The following MYO7B variants were observed in gnomAD, a reference collection of about 807,000 sequenced individuals.
The protein encoded by MYO7B is unconventional myosin-VIIb.
Under a neutral mutation model 259.7 loss-of-function variants are expected in MYO7B, and 212 were observed. The observed-to-expected ratio is 0.82, with a 90% CI of 0.73 to 0.91. The LOEUF (loss-of-function observed/expected upper bound fraction) is 0.91, where lower values mean the gene tolerates loss of function less well. Ranked by LOEUF, MYO7B falls within the 40% of genes least tolerant of loss-of-function variation. The pLI, the probability that MYO7B is intolerant of heterozygous loss-of-function variation, is 0.00. For synonymous variants in MYO7B, 1,197 were observed against 1,166.4 expected (o/e 1.03, Z -0.54); for missense variants, 2,732 against 2,813.5 (o/e 0.97, Z 0.66).
In MYO7B at chr2:127,609,800, C is replaced by A; in HGVS notation, c.3025-49C>A. The A allele has an allele frequency of 1.2e-6, 2 of 1,612,282 alleles. No individual in the cohort carries two copies. The highest frequency in any genetic ancestry group is 1.7e-6 in the Non-Finnish European group (2 of 1,178,568). On this transcript the variant is annotated intron_variant, in intron 23 of 47. Transcript: ENST00000409816. The surrounding 1 kb of genome is among the most constrained non-coding windows in gnomAD (Gnocchi z 6.9). ...ATGGCTCGGGGAAAGAAGGAAGGGG[C>A]CATAGTCACTGATGGGTTCCCACTG... is the stretch of plus-strand genomic sequence containing the variant.
At chr2:127,536,937 G>T (rs774698828) in intron 1 of MYO7B, among the ~76,000 whole-genome samples, 14 of 152,300 alleles carry the variant, frequency 9.2e-5, no homozygotes, top group Non-Finnish European at 1.5e-4. Context: ...CACAGCTCTA[G>T]CACGGGGCTC....
Position 127,592,892 on chromosome 2 carries a change from C to G in MYO7B, c.2091C>G (p.Phe697Leu), listed in dbSNP as rs1204839342. ...CGGGCTTCCCCATCCGCTACACGTTCGAGGAGTTCTCGCAGAGGTTCGGCG... is the reference window on the plus strand; with the variant it reads ...CGGGCTTCCCCATCCGCTACACGTTGGAGGAGTTCTCGCAGAGGTTCGGCG... ...RKSGFPIRYTFEEFSQRFGVL... is the reference protein window; with the variant it reads ...RKSGFPIRYTLEEFSQRFGVL... The change falls in exon 17 of 48, where the codon TTC becomes TTG. Residue 697 changes from phenylalanine to leucine, a missense_variant. Phe to Leu is a conservative substitution (Grantham distance 22). Around this residue, in one of 3 missense-constraint regions of MYO7B, gnomAD observed 1,906 missense variants for 2,026.4 expected, o/e 0.94. Transcript: ENST00000409816. The G allele has an allele frequency of 1.9e-6, 3 of 1,608,630 alleles. No homozygotes were observed. The highest frequency in any genetic ancestry group is 2.5e-6 in the Non-Finnish European group (3 of 1,178,080).
At chr2:127,634,884 G>A (rs1346507436) in intron 42 of MYO7B, 3 of 646,588 alleles carry the variant, frequency 4.6e-6, no homozygotes, top group Non-Finnish European at 8.1e-6. Flanking sequence ...GAGTGATGAA[G>A]GATGCCCCAG....
chr2:127,538,973 G>C (rs1029166091), intron 1 of MYO7B, among the ~76,000 whole-genome samples: 5 of 152,156 alleles, frequency 3.3e-5, no homozygotes, highest in Non-Finnish European at 5.9e-5. Flanking sequence ...TTACCTTGCA[G>C]GGTTGTTTTA....
rs370022816 is a variant in MYO7B, at chr2:127,627,052, G to A, written c.4293G>A (p.Pro1431=). Residue 1431 remains proline, a synonymous_variant, in exon 32 of 48, where the codon CCG becomes CCA. Coordinates refer to ENST00000409816, the MANE Select transcript of MYO7B (RefSeq NM_001393586.1). This position sits in a 1 kb window ranked among gnomAD's most constrained non-coding sequence, Gnocchi z 5.6. ...TGGACGCCGCCCGCCTGCAGTGGCC[G>A]CTGCTCTTCTCCCGGCTCTTCGAAG... is the stretch of plus-strand genomic sequence containing the variant. ...QVVDAARLQW[P]LLFSRLFEVI... The A allele has an allele frequency of 2.2e-5, 35 of 1,611,902 alleles. No individual in the cohort carries two copies. Among genetic ancestry groups the A allele is most frequent in the African/African-American group, 1.5e-4 (11 of 74,922 alleles).
intron 14 of MYO7B, 22 bp from the exon 15 acceptor site, chr2:127,588,370 G>A (rs1679383833): frequency 1.2e-6 from 2 of 1,610,690 alleles, no homozygotes; most frequent in Non-Finnish European, 1.7e-6. Flanking sequence ...TGGGATGCTG[G>A]GTGGGCCCTG....
intron 19 of MYO7B, among the ~76,000 whole-genome samples, chr2:127,598,159 C>A (rs1028284000): frequency 6.6e-6 from 1 of 152,152 alleles, no homozygotes; most frequent in Non-Finnish European, 1.5e-5. Flanking sequence ...ACAACGGTTA[C>A]AAGTTTTGTT....
rs974382755 is a variant in MYO7B, at chr2:127,607,769, G to A, written c.2643+345G>A. ...GCACGCAGGGTATAGCATGGGAGAGGCAGCAGGTCAATGGGACAGCCTTAG... is the reference window on the plus strand; with the variant it reads ...GCACGCAGGGTATAGCATGGGAGAGACAGCAGGTCAATGGGACAGCCTTAG... On this transcript the variant is annotated intron_variant, in intron 21 of 47. Coordinates refer to ENST00000409816, the MANE Select transcript of MYO7B (RefSeq NM_001393586.1). The surrounding 1 kb of genome is among the most constrained non-coding windows in gnomAD (Gnocchi z 4.4). 9.2e-5 allele frequency among the ~76,000 whole-genome samples: 14 copies of A among 152,332 alleles called. No homozygotes were observed. In the East Asian group the frequency reaches 2.5e-3, roughly 27 times the overall value.
At chr2:127,623,465 C>T (rs1680942441) in intron 29 of MYO7B, 90 bp downstream of exon 29, 3 of 1,334,660 alleles carry the variant, frequency 2.2e-6, no homozygotes, top group South Asian at 1.5e-5. Flanking sequence ...CTTTCCAGCC[C>T]GGCCACCACC....
chr2:127,636,822 A>G lies in MYO7B; in HGVS notation c.6236A>G (p.Lys2079Arg), dbSNP rs1451251827. The change falls in exon 47 of 48, where the codon AAG (lysine) becomes AGG (arginine). Residue 2079 changes from lysine (K) to arginine (R), a missense_variant. Around this residue, in one of 3 missense-constraint regions of MYO7B, gnomAD observed 821 missense variants for 769.3 expected, o/e 1.07. Coordinates refer to ENST00000409816, the MANE Select transcript of MYO7B (RefSeq NM_001393586.1). The surrounding 1 kb of genome is among the most constrained non-coding windows in gnomAD (Gnocchi z 4.5). ...CTGCTCACCACCTATCCCTTCACCA[A>G]GATCTCCAGCTGGAGCAGCGGCAGC... is the stretch of plus-strand genomic sequence containing the variant. ...KDLLTTYPFT[K>R]ISSWSSGSTY... The G allele has an allele frequency of 6.2e-7, 1 of 1,613,416 alleles. No homozygotes were observed. The highest frequency in any genetic ancestry group is 1.3e-5 in the African/African-American group (1 of 74,862).
At chr2:127,549,737 G>A (rs1316444575) in intron 1 of MYO7B, among the ~76,000 whole-genome samples, 1 of 152,194 alleles carries the variant, frequency 6.6e-6, no homozygotes, top group African/African-American at 2.4e-5. Context: ...GATCAGGGTA[G>A]GGATGAGAGT....
chr2:127,618,263 G>GA (rs1358078639), intron 26 of MYO7B, among the ~76,000 whole-genome samples: 1 of 152,192 alleles, frequency 6.6e-6, no homozygotes, highest in Non-Finnish European at 1.5e-5. Flanking sequence ...AACGAAGGGG[G>GA]ATGAACGTAG....
rs918869481 is a variant in MYO7B at position 127,548,074 on chromosome 2, C to T, written c.-23-11626C>T. On this transcript the variant is annotated intron_variant, in intron 1 of 47. Coordinates refer to ENST00000409816, the MANE Select transcript of MYO7B (RefSeq NM_001393586.1). ...GTTTTCATTTTTCAAGGAATTTGTC[C>T]ATTTCATCTAAGTTACCGAATGTGT... Among the ~76,000 whole-genome samples, 9 of 152,204 alleles carry T rather than the reference C, an allele frequency of 5.9e-5. No homozygotes were observed. In the East Asian group the frequency reaches 1.5e-3, roughly 26 times the overall value.
rs1679387572 is a variant in MYO7B at position 127,588,462 on chromosome 2, G to C, written c.1761G>C (p.Lys587Asn). The stretch of plus-strand genomic sequence containing the variant: ...CCCTGGTTTACTCCTCCAAAAACAA[G>C]TTTCTGAGGGAGATATTCAACTTGG... ...ILTLVYSSKN[K>N]FLREIFNLEL... The change falls in exon 15 of 48, where the codon AAG becomes AAC. Residue 587 changes from lysine (K) to asparagine (N), a missense_variant. Transcript: ENST00000409816. 6.2e-7 allele frequency: 1 copy of C among 1,613,190 alleles called. No individual in the cohort carries two copies. The highest frequency in any genetic ancestry group is 1.1e-5 in the South Asian group (1 of 91,084).
At chr2:127,631,049 C>A in intron 36 of MYO7B, 141 bp downstream of exon 36, 3 of 1,371,530 alleles carry the variant, frequency 2.2e-6, no homozygotes, top group East Asian at 2.5e-5. Flanking sequence ...CCATGTGGAG[C>A]CTGCCTGGCC....
chr2:127,629,948 GC>G, intron 35 of MYO7B, 122 bp downstream of exon 35: 1 of 1,079,358 alleles, frequency 9.3e-7, no homozygotes, highest in Non-Finnish European at 1.2e-6. Context: ...GGCCAGGAGG[GC>G]CACCCGGGCA....
Position 127,628,253 on chromosome 2 carries a change from A to ATT in MYO7B, c.4461-119_4461-118insTT, listed in dbSNP as rs1461140118. The ATT allele has an allele frequency of 1.6e-6, 2 of 1,253,642 alleles. No homozygotes were observed. The highest frequency in any genetic ancestry group is 2.2e-6 in the Non-Finnish European group (2 of 889,912). 77.7% of individuals were successfully genotyped at this position (1,253,642 alleles called of 1,614,324 possible). A position where few individuals can be genotyped will look rare whatever the true frequency, so the allele number is the denominator to read the frequency against. ...TCTGGCCTAGTCCTGGCCCTGGCAG[A>ATT]GCAGCTCTGTGTCCTCATCTGTGAC... On this transcript the variant is annotated intron_variant, in intron 33 of 47. Transcript: ENST00000409816. The surrounding 1 kb of genome is among the most constrained non-coding windows in gnomAD (Gnocchi z 4.8).
intron 47 of MYO7B, 90 bp downstream of exon 47, chr2:127,637,003 A>C: frequency 1.1e-5 from 17 of 1,560,230 alleles, no homozygotes; most frequent in Non-Finnish European, 1.4e-5. Context: ...CAAGTGGCTC[A>C]CTAAGAGGGC....
chr2:127,606,307 G>A (rs942253801), intron 20 of MYO7B, among the ~76,000 whole-genome samples: 2 of 152,144 alleles, frequency 1.3e-5, no homozygotes, highest in Admixed American at 6.5e-5. Context: ...TCTTAACCAC[G>A]GGCATTTGCT....
Sources: gnomAD v4.1 joint callset for allele counts (sites outside exome capture counted in the v4.1 genomes callset) on GRCh38, gnomAD v4.1.1 for gene constraint, gnomAD v4.1.1 regional missense constraint, Gnocchi (gnomAD v3.1) non-coding constraint, MANE v1.5 for transcripts, NCBI Gene and HGNC (gene_info 2026-07-23, HGNC 2026-07-21) for gene names.